The following ACOT9 variants were observed in gnomAD, a reference collection of about 807,000 sequenced individuals.
The protein encoded by ACOT9 is acyl-coenzyme A thioesterase 9, mitochondrial.
In ACOT9, 34 loss-of-function variants were observed where a neutral mutation model predicts 39.7. That is an observed-to-expected ratio of 0.86 (90% CI 0.65 to 1.14). The LOEUF (loss-of-function observed/expected upper bound fraction) is 1.14. Ranked by LOEUF, ACOT9 falls within the 50% of genes most tolerant of loss-of-function variation. ACOT9 has a pLI of 0.00. For synonymous variants in ACOT9, 110 were observed against 120.5 expected, an observed-to-expected ratio of 0.91 and a Z score of 0.57; for missense variants, 313 against 344.1, an observed-to-expected ratio of 0.91 and a Z score of 0.71.
chrX:23,701,452 T>A lies in ACOT9; in HGVS notation c.*2442A>T, dbSNP rs899498613. Among the ~76,000 whole-genome samples the A allele has an allele frequency of 6.3e-5, 7 of 110,969 alleles. No individual in the cohort carries two copies. The Admixed American group carries it at 6.8e-4, about 11-fold the overall frequency. On this transcript the variant is annotated 3_prime_UTR_variant, in exon 16 of 16. Transcript: ENST00000379303. ...ATGCCAGAGGTGCTTGTTGACACTG[T>A]GATTTCAATAAACATTACATAAACT...
intron 9 of ACOT9, among the ~76,000 whole-genome samples, chrX:23,710,563 G>A (rs931201504): frequency 3.6e-5 from 4 of 112,152 alleles, no homozygotes; most frequent in African/African-American, 1.3e-4. Flanking sequence ...AATTCATAAT[G>A]ATGCTTTTCT....
chrX:23,725,667 A>G (rs1454233854), intron 6 of ACOT9, among the ~76,000 whole-genome samples: 1 of 107,258 alleles, frequency 9.3e-6, no homozygotes, highest in Non-Finnish European at 1.9e-5. Flanking sequence ...AAATCAAAAA[A>G]ATTAGCTGGG....
chrX:23,715,918 C>A (rs1929059075), intron 8 of ACOT9, among the ~76,000 whole-genome samples: 1 of 112,247 alleles, frequency 8.9e-6, no homozygotes, highest in Non-Finnish European at 1.9e-5. Context: ...TGGCACAGGA[C>A]AGGCACTCAA....
At chrX:23,709,401 A>G (rs1928818422) in intron 9 of ACOT9, among the ~76,000 whole-genome samples, 1 of 111,820 alleles carries the variant, frequency 8.9e-6, no homozygotes, top group Non-Finnish European at 1.9e-5. Flanking sequence ...CTTGAAAACA[A>G]AAAACAAAAG....
At position 23,702,250 on chromosome X, in the gene ACOT9, ATTTTTTTTTTTT is replaced by A. The variant is rs764406046; in HGVS notation, c.*1632_*1643del. ...AAAAAAGGAACGGTCTTGGCTACAG[ATTTTTTTTTTTT>A]TTTTTTTTTGAGATGGAGTCTCGTT... On this transcript the variant is annotated 3_prime_UTR_variant, in exon 16 of 16. Transcript: ENST00000379303. 3 of 73,363 alleles carry A rather than the reference ATTTTTTTTTTTT, an allele frequency of 4.1e-5. No individual in the cohort carries two copies. Among genetic ancestry groups the A allele is most frequent in the Non-Finnish European group, 7.8e-5 (3 of 38,579 alleles). 6.0% of individuals were successfully genotyped at this position (73,363 alleles called of 1,213,427 possible).
At chrX:23,728,999 G>C (rs1296489541) in intron 6 of ACOT9, among the ~76,000 whole-genome samples, 1 of 110,962 alleles carries the variant, frequency 9.0e-6, no homozygotes, top group Non-Finnish European at 1.9e-5. Context: ...AGTAACATAG[G>C]AATTCCTGAG....
intron 6 of ACOT9, among the ~76,000 whole-genome samples, chrX:23,729,953 A>G (rs1434209572): frequency 2.7e-5 from 3 of 110,548 alleles, no homozygotes; most frequent in Non-Finnish European, 5.7e-5. Context: ...TTTATACTGT[A>G]TTTGCAACTT....
chrX:23,716,521 G>A (rs182782498), intron 8 of ACOT9, among the ~76,000 whole-genome samples: 2 of 111,757 alleles, frequency 1.8e-5, no homozygotes, highest in East Asian at 2.8e-4. Context: ...ATACCCACTA[G>A]TGCCAAGCAC....
chrX:23,707,814 T>C (rs1393826996), intron 10 of ACOT9, 63 bp downstream of exon 10: 3 of 829,824 alleles, frequency 3.6e-6, no homozygotes, highest in Non-Finnish European at 5.1e-6. Context: ...TCTTAAATAA[T>C]CTCTTCTGCA....
rs1001109593 is a variant in ACOT9, at chrX:23,701,390, T to C, written c.*2504A>G. ...GATTCCATGAGTCAAACTGCATGCT[T>C]CCAAGAGATAGTTGTGTTCGCTCCT... On this transcript the variant is annotated 3_prime_UTR_variant, in exon 16 of 16. Coordinates refer to ENST00000379303, the MANE Select transcript of ACOT9 (RefSeq NM_001037171.2). Among the ~76,000 whole-genome samples, 4 of 111,604 alleles carry C rather than the reference T, an allele frequency of 3.6e-5. No homozygotes were observed. The highest frequency in any genetic ancestry group is 1.3e-4 in the African/African-American group (4 of 30,735).
intron 7 of ACOT9, 41 bp downstream of exon 7, chrX:23,722,629 A>T: frequency 1.1e-6 from 1 of 932,393 alleles, no homozygotes; most frequent in Non-Finnish European, 1.5e-6. Context: ...TCTTGAAATT[A>T]CTAAGAATTC....
At chrX:23,709,672 C>T (rs1290306940) in intron 9 of ACOT9, among the ~76,000 whole-genome samples, 2 of 111,711 alleles carry the variant, frequency 1.8e-5, no homozygotes. Flanking sequence ...ACTCCTAAAT[C>T]AAGTTTCTAA....
rs1928491966 is a variant in ACOT9, at chrX:23,701,795, C to T, written c.*2099G>A. ...TTTGTTAAAAATGCTTTCCACCGGC[C>T]GGGTGCAGTGGCTCATGCCTATAAT... On this transcript the variant is annotated 3_prime_UTR_variant, in exon 16 of 16. Coordinates refer to ENST00000379303, the MANE Select transcript of ACOT9 (RefSeq NM_001037171.2). Among the ~76,000 whole-genome samples, 1 of 110,540 alleles carries T rather than the reference C, an allele frequency of 9.0e-6. No individual in the cohort carries two copies. Among genetic ancestry groups the T allele is most frequent in the South Asian group, 4.1e-4 (1 of 2,431 alleles).
rs1415267841 is a variant in ACOT9 at position 23,724,929 on chromosome X, T to C, written c.401-2176A>G. Among the ~76,000 whole-genome samples the C allele has an allele frequency of 5.4e-5, 6 of 111,083 alleles. No homozygotes were observed. The Admixed American group carries it at 5.8e-4, about 11-fold the overall frequency. On this transcript the variant is annotated intron_variant, in intron 6 of 15. Coordinates refer to ENST00000379303, the MANE Select transcript of ACOT9 (RefSeq NM_001037171.2). ...TACAGCCCGGGCAACAGAGTGAGAC[T>C]GTCTCTAAAAAAGAAAAATAAATCT...
At chrX:23,728,266 G>T (rs1168358202) in intron 6 of ACOT9, among the ~76,000 whole-genome samples, 1 of 111,372 alleles carries the variant, frequency 9.0e-6, no homozygotes, top group African/African-American at 3.3e-5. Context: ...CGGTGAGGAG[G>T]ACATCCTTGC....
rs762145039 is a variant in ACOT9 at position 23,707,988 on chromosome X, A to G, written c.663-44T>C. 5.5e-6 allele frequency: 6 copies of G among 1,083,547 alleles called. No individual in the cohort carries two copies. In the South Asian group the frequency reaches 1.2e-4, roughly 23 times the overall value. 89.3% of individuals were successfully genotyped at this position (1,083,547 alleles called of 1,213,427 possible). A position where few individuals can be genotyped will look rare whatever the true frequency, so the allele number is the denominator to read the frequency against. On this transcript the variant is annotated intron_variant, in intron 9 of 15. Transcript: ENST00000379303. ...AGAATATAATTTAAGATATGCCATT[A>G]TCTAATAAAACTTGAAGATGAACAA...
chrX:23,706,080 C>T (rs1928671467), intron 11 of ACOT9, among the ~76,000 whole-genome samples: 1 of 110,938 alleles, frequency 9.0e-6, no homozygotes, highest in Non-Finnish European at 1.9e-5. Context: ...GCCTGGCCAA[C>T]GTGGTGAAAC....
At chrX:23,731,137 C>T (rs1929725997) in intron 4 of ACOT9, 151 bp from the exon 5 acceptor site, 1 of 432,507 alleles carries the variant, frequency 2.3e-6, no homozygotes, top group Non-Finnish European at 3.9e-6. Context: ...TCCCACCTGC[C>T]ACTTGGTGAA....
intron 6 of ACOT9, among the ~76,000 whole-genome samples, chrX:23,730,052 A>G (rs1207308321): frequency 9.1e-6 from 1 of 110,277 alleles, no homozygotes; most frequent in Non-Finnish European, 1.9e-5. Context: ...ATCTACATTT[A>G]TAAGAAAAAA....
Sources: allele counts gnomAD v4.1 joint callset (sites outside exome capture counted in the v4.1 genomes callset), GRCh38; gene constraint gnomAD v4.1.1; transcripts MANE v1.5; gene names NCBI Gene and HGNC (gene_info 2026-07-23, HGNC 2026-07-21).